Variants in AGBL4 observed in about 807,000 individuals in gnomAD.
AGBL4 encodes the protein cytosolic carboxypeptidase 6.
Under a neutral mutation model 66.4 loss-of-function variants are expected in AGBL4, and 58 were observed. That is an observed-to-expected ratio of 0.87 (90% CI 0.71 to 1.09). The LOEUF is 1.09. Among genes scored for constraint, AGBL4 ranks in the 50% least tolerant of loss-of-function variants. AGBL4 has a pLI of 0.00. For synonymous variants in AGBL4, 234 were observed against 222.9 expected (o/e 1.05, Z -0.44); for missense variants, 579 against 631.0 (o/e 0.92, Z 0.88).
intron 2 of AGBL4, among the ~76,000 whole-genome samples, chr1:49,824,300 G>C (rs566746022): frequency 5.5e-4 from 83 of 152,262 alleles, no homozygotes; most frequent in African/African-American, 2.0e-3. Context: ...AAGATATACA[G>C]AGAAGTACAG....
At chr1:48,930,259 C>T (rs918097407) in intron 5 of AGBL4, among the ~76,000 whole-genome samples, 8 of 152,008 alleles carry the variant, frequency 5.3e-5, no homozygotes, top group Non-Finnish European at 2.9e-5. Context: ...CTGCTTGGCA[C>T]GCTCTGCCAT....
At chr1:49,620,360 GA>G (rs1016518720) in intron 3 of AGBL4, among the ~76,000 whole-genome samples, 2 of 151,810 alleles carry the variant, frequency 1.3e-5, no homozygotes, top group African/African-American at 4.8e-5. Flanking sequence ...ACAAACATAT[GA>G]AAAAAAAGCT....
In AGBL4 at chr1:49,245,820, G is replaced by A. The variant is rs1229504435; in HGVS notation, c.327C>T (p.Leu109=). ...CCATAGGGGCCATCCCATCTCTATA[G>A]AGACTCTTGGTTTTACTGAAGTTAA... ...NIVNFSKTKS[L]YRDGMAPMVK... is the part of the protein sequence containing the mutation. Residue 109 remains leucine (L), a synonymous_variant, in exon 4 of 14, where the codon CTC becomes CTT. Coordinates refer to ENST00000371839, the MANE Select transcript of AGBL4 (RefSeq NM_032785.4). The A allele has an allele frequency of 2.6e-6, 4 of 1,549,636 alleles. No homozygotes were observed. The African/African-American group carries it at 4.1e-5, about 16-fold the overall frequency.
intron 1 of AGBL4, among the ~76,000 whole-genome samples, chr1:50,020,813 C>G (rs1050096927): frequency 6.6e-6 from 1 of 152,218 alleles, no homozygotes; most frequent in Non-Finnish European, 1.5e-5. Flanking sequence ...TAGTACAATG[C>G]GTGGTACAAA....
intron 6 of AGBL4, among the ~76,000 whole-genome samples, chr1:48,744,968 T>C (rs1405333662): frequency 1.3e-5 from 2 of 148,982 alleles, no homozygotes; most frequent in African/African-American, 4.9e-5. Context: ...GTCTCCTTTG[T>C]GAGGCTTGAT....
chr1:48,883,810 G>T (rs1356572155), intron 5 of AGBL4, among the ~76,000 whole-genome samples: 1 of 152,110 alleles, frequency 6.6e-6, no homozygotes, highest in Non-Finnish European at 1.5e-5. Flanking sequence ...AAGAAGTCAG[G>T]GTTTTCTAAA....
intron 2 of AGBL4, among the ~76,000 whole-genome samples, chr1:49,776,803 T>C (rs1644209275): frequency 6.6e-6 from 1 of 152,158 alleles, no homozygotes; most frequent in Non-Finnish European, 1.5e-5. Flanking sequence ...TATTTGATTA[T>C]GTGTTTAATG....
chr1:49,653,133 T>C (rs975114151), intron 3 of AGBL4, among the ~76,000 whole-genome samples: 8 of 152,078 alleles, frequency 5.3e-5, no homozygotes, highest in Non-Finnish European at 1.2e-4. Context: ...ATCTTTGCTA[T>C]TCTGCAGCCT....
chr1:49,126,912 G>A (rs1645776268), intron 4 of AGBL4, among the ~76,000 whole-genome samples: 1 of 152,074 alleles, frequency 6.6e-6, no homozygotes, highest in African/African-American at 2.4e-5. Context: ...CTGAAATCCA[G>A]CTCTGACTAT....
chr1:49,396,122 C>A (rs1433721871), intron 3 of AGBL4, among the ~76,000 whole-genome samples: 2 of 151,742 alleles, frequency 1.3e-5, no homozygotes, highest in African/African-American at 4.8e-5. Flanking sequence ...CTAATCTTCA[C>A]CTATCTTCCT....
intron 1 of AGBL4, among the ~76,000 whole-genome samples, chr1:49,916,575 G>A (rs1309866156): frequency 6.6e-6 from 1 of 152,220 alleles, no homozygotes; most frequent in Admixed American, 6.5e-5. Context: ...CAAGAAATAT[G>A]TGACTTTGTG....
intron 3 of AGBL4, among the ~76,000 whole-genome samples, chr1:49,412,639 G>A (rs1218288647): frequency 6.6e-6 from 1 of 152,024 alleles, no homozygotes; most frequent in African/African-American, 2.4e-5. Flanking sequence ...TGTTCTTCCT[G>A]TACTCTCCAC....
chr1:49,810,158 A>T (rs1233071637), intron 2 of AGBL4, among the ~76,000 whole-genome samples: 1 of 152,164 alleles, frequency 6.6e-6, no homozygotes, highest in Non-Finnish European at 1.5e-5. Context: ...AATGAGGCTC[A>T]GCTAAGTACC....
intron 3 of AGBL4, among the ~76,000 whole-genome samples, chr1:49,385,786 G>A (rs370178741): frequency 6.6e-6 from 1 of 151,984 alleles, no homozygotes; most frequent in East Asian, 1.9e-4. Flanking sequence ...TCACAGCAGG[G>A]CATCCAAAAG....
chr1:49,680,564 A>G (rs989988910), intron 3 of AGBL4, among the ~76,000 whole-genome samples: 1 of 152,082 alleles, frequency 6.6e-6, no homozygotes, highest in Non-Finnish European at 1.5e-5. Flanking sequence ...TGTGGGTTCC[A>G]TGATCTCTTA....
chr1:49,400,709 G>A (rs1404854000), intron 3 of AGBL4, among the ~76,000 whole-genome samples: 2 of 152,104 alleles, frequency 1.3e-5, no homozygotes, highest in African/African-American at 4.8e-5. Context: ...TTTGTATGTT[G>A]ATTTTTTATC....
At chr1:49,398,611 A>G (rs1011648641) in intron 3 of AGBL4, among the ~76,000 whole-genome samples, 1 of 152,134 alleles carries the variant, frequency 6.6e-6, no homozygotes, top group Non-Finnish European at 1.5e-5. Flanking sequence ...GAGAACACTG[A>G]CCAACACATT....
At chr1:48,618,843 G>A (rs1021842516) in intron 9 of AGBL4, among the ~76,000 whole-genome samples, 7 of 152,050 alleles carry the variant, frequency 4.6e-5, no homozygotes, top group Admixed American at 2.0e-4. Context: ...GGAGTGGGGT[G>A]CCCAAGGTAA....
chr1:49,682,924 T>C (rs1182499678), intron 3 of AGBL4, among the ~76,000 whole-genome samples: 3 of 152,158 alleles, frequency 2.0e-5, no homozygotes, highest in African/African-American at 4.8e-5. Context: ...GAAGATATGA[T>C]TGAAGAGACA....
Sources: gnomAD v4.1 joint callset for allele counts (sites outside exome capture counted in the v4.1 genomes callset) on GRCh38, gnomAD v4.1.1 for gene constraint, MANE v1.5 for transcripts, NCBI Gene and HGNC (gene_info 2026-07-23, HGNC 2026-07-21) for gene names.